Variants in CCDC149 observed in about 807,000 individuals in gnomAD.
CCDC149 encodes the protein coiled-coil domain containing 149, also known as coiled-coil domain-containing protein 149.
CCDC149 carries 45 observed loss-of-function variants against 59.9 expected under a neutral mutation model. The ratio of observed to expected loss-of-function variants is 0.75; its 90% CI spans 0.59 to 0.96. The LOEUF is 0.96. CCDC149 is among the 40% of genes least tolerant of loss of function. The pLI is 0.00. For synonymous variants in CCDC149, 245 were observed against 260.6 expected (o/e 0.94, Z 0.58); for missense variants, 584 against 664.7 (o/e 0.88, Z 1.33).
intron 1 of CCDC149, among the ~76,000 whole-genome samples, chr4:24,935,420 T>C (rs1287703968): frequency 1.3e-5 from 2 of 152,210 alleles, no homozygotes; most frequent in African/African-American, 4.8e-5. Flanking sequence ...TTCGGCAGTA[T>C]ACTGCGATCT....
intron 1 of CCDC149, among the ~76,000 whole-genome samples, chr4:24,878,122 T>C (rs1419803105): frequency 6.6e-6 from 1 of 150,904 alleles, no homozygotes; most frequent in Non-Finnish European, 1.5e-5. Flanking sequence ...TACTCATATA[T>C]AGTGCTTGCT....
At chr4:24,865,851 T>C (rs1718662039) in intron 3 of CCDC149, among the ~76,000 whole-genome samples, 2 of 152,134 alleles carry the variant, frequency 1.3e-5, no homozygotes, top group Non-Finnish European at 2.9e-5. Flanking sequence ...GTTTCAAGGA[T>C]TGAAAGGGCT....
chr4:24,875,638 G>A (rs1719367013), intron 2 of CCDC149, among the ~76,000 whole-genome samples: 1 of 151,656 alleles, frequency 6.6e-6, no homozygotes, highest in Non-Finnish European at 1.5e-5. Flanking sequence ...TTGGCTTAAT[G>A]TAACTCTCTG....
intron 1 of CCDC149, among the ~76,000 whole-genome samples, chr4:24,960,022 A>G (rs903817795): frequency 4.6e-5 from 7 of 152,200 alleles, no homozygotes; most frequent in African/African-American, 1.7e-4. Flanking sequence ...TTTCCTCTTT[A>G]TATCTTTTAA....
chr4:24,971,715 A>T (rs1349562049), intron 1 of CCDC149, among the ~76,000 whole-genome samples: 1 of 152,194 alleles, frequency 6.6e-6, no homozygotes, highest in African/African-American at 2.4e-5. Context: ...TGAAAAACAA[A>T]CTAGTTCAGC....
intron 4 of CCDC149, among the ~76,000 whole-genome samples, chr4:24,850,343 G>A (rs800461): frequency 0.86 from 130,670 of 152,224 alleles, 56,222 homozygotes; most frequent in South Asian, 0.88. Flanking sequence ...TCGGTGCCAC[G>A]CAAGTGAGAA....
At position 24,946,580 on chromosome 4, in the gene CCDC149, A is replaced by T. The variant is rs193216599; in HGVS notation, c.-65+33489T>A. On this transcript the variant is annotated intron_variant, in intron 1 of 12. Coordinates refer to the CCDC149 transcript ENST00000389609. ...TTAAAATCTTTTTGATTGACTTTCCATTGGTTAAAACGCAGTTGCATAGCT... is the reference window on the plus strand; with the variant it reads ...TTAAAATCTTTTTGATTGACTTTCCTTTGGTTAAAACGCAGTTGCATAGCT... Among the ~76,000 whole-genome samples the T allele has an allele frequency of 1.8e-3, 279 of 152,320 alleles. 1 individual carries two copies. The highest frequency in any genetic ancestry group is 3.0e-3 in the Non-Finnish European group (206 of 68,028).
chr4:24,921,989 G>C (rs916735015), intron 1 of CCDC149, among the ~76,000 whole-genome samples: 5 of 152,170 alleles, frequency 3.3e-5, no homozygotes, highest in African/African-American at 7.2e-5. Flanking sequence ...GCATCGGCAG[G>C]GTTGGTCCCT....
chr4:24,894,895 A>G, intron 1 of CCDC149: 1 of 1,480,292 alleles, frequency 6.8e-7, no homozygotes, highest in Non-Finnish European at 9.1e-7. Context: ...AGAACCCCTC[A>G]TGCCAGCCAT....
intron 3 of CCDC149, among the ~76,000 whole-genome samples, chr4:24,861,621 CT>C (rs1193658829): frequency 1.6e-5 from 2 of 124,748 alleles, no homozygotes; most frequent in African/African-American, 3.1e-5. Flanking sequence ...CTTGTTCCCC[CT>C]AAACTACTGA....
intron 1 of CCDC149, among the ~76,000 whole-genome samples, chr4:24,953,148 A>G (rs1352314208): frequency 6.6e-6 from 1 of 152,116 alleles, no homozygotes; most frequent in African/African-American, 2.4e-5. Context: ...TGGCAAGTGG[A>G]TGACATCTGA....
chr4:24,963,607 G>T (rs1723711274), intron 1 of CCDC149, among the ~76,000 whole-genome samples: 1 of 152,134 alleles, frequency 6.6e-6, no homozygotes, highest in Non-Finnish European at 1.5e-5. Context: ...TCACTCAATG[G>T]CAACAAGGTG....
At chr4:24,909,762 T>C (rs11943166) in intron 1 of CCDC149, among the ~76,000 whole-genome samples, 20,054 of 152,158 alleles carry the variant, frequency 0.13, 1,395 homozygotes, top group South Asian at 0.17. Flanking sequence ...GGAGTTCTCC[T>C]GCAGAAGCTC....
At chr4:24,841,624 T>C (rs973295398) in intron 4 of CCDC149, among the ~76,000 whole-genome samples, 11 of 152,216 alleles carry the variant, frequency 7.2e-5, no homozygotes, top group African/African-American at 2.7e-4. Context: ...GCAGAGGAGA[T>C]GGCAGAGCCC....
At chr4:24,930,351 C>A (rs1256247192) in intron 1 of CCDC149, among the ~76,000 whole-genome samples, 1 of 152,178 alleles carries the variant, frequency 6.6e-6, no homozygotes, top group Non-Finnish European at 1.5e-5. Context: ...TCAGAAGCAC[C>A]ATTTTGGGAT....
chr4:24,912,469 G>A (rs546117355), intron 1 of CCDC149, among the ~76,000 whole-genome samples: 108 of 152,246 alleles, frequency 7.1e-4, no homozygotes, highest in Non-Finnish European at 1.4e-3. Flanking sequence ...GCGTCCAATT[G>A]TTTGGCTCCA....
chr4:24,848,004 C>T (rs567241495), intron 4 of CCDC149, among the ~76,000 whole-genome samples: 1 of 152,216 alleles, frequency 6.6e-6, no homozygotes, highest in East Asian at 1.9e-4. Context: ...GTATCAGTTA[C>T]CTGAGGTCAA....
At chr4:24,874,244 G>GTTTTTTTTTTTTTGTTT (rs1719242320) in intron 2 of CCDC149, among the ~76,000 whole-genome samples, 2 of 87,488 alleles carry the variant, frequency 2.3e-5, no homozygotes, top group African/African-American at 1.2e-4. Flanking sequence ...TATTAGATTT[G>GTTTTTTTTTTTTTGTTT]TTTTTTTTTT....
At chr4:24,853,805 G>A (rs963405478) in intron 3 of CCDC149, among the ~76,000 whole-genome samples, 10 of 152,152 alleles carry the variant, frequency 6.6e-5, no homozygotes, top group African/African-American at 9.6e-5. Context: ...TCTAGGGGGC[G>A]GCCAGAGAAG....
Sources: gnomAD v4.1 joint callset for allele counts (sites outside exome capture counted in the v4.1 genomes callset) on GRCh38, gnomAD v4.1.1 for gene constraint, MANE v1.5 for transcripts, NCBI Gene and HGNC (gene_info 2026-07-23, HGNC 2026-07-21) for gene names.